TMEM178B: variants seen among roughly 807,000 people sequenced by gnomAD.
The protein encoded by TMEM178B is transmembrane protein 178B.
A neutral mutation model predicts 31.0 loss-of-function variants in TMEM178B; 5 were observed. That is an observed-to-expected ratio of 0.16 (90% CI 0.08 to 0.34). The LOEUF is 0.34. Among genes scored for constraint, TMEM178B ranks in the 10% least tolerant of loss-of-function variants. The probability of loss-of-function intolerance (pLI) is 1.00; values close to 1 mark genes in which losing one functional copy is unlikely to be tolerated. For synonymous variants in TMEM178B, 164 were observed against 164.0 expected (o/e 1.00, Z 0.00); for missense variants, 275 against 400.3 (o/e 0.69, Z 2.67).
chr7:141,256,592 G>T (rs943815355), intron 2 of TMEM178B, among the ~76,000 whole-genome samples: 1 of 152,164 alleles, frequency 6.6e-6, no homozygotes, highest in Admixed American at 6.5e-5. Flanking sequence ...TTCCAAGTGT[G>T]ATGGAAAGCT....
intron 2 of TMEM178B, among the ~76,000 whole-genome samples, chr7:141,303,142 C>T (rs180672832): frequency 1.5e-3 from 227 of 152,226 alleles, no homozygotes; most frequent in Middle Eastern, 3.4e-3. Flanking sequence ...TCCTGCCAGG[C>T]GTTCTTTGGA....
At chr7:141,498,703 A>G in the TMEM178B span, among the ~76,000 whole-genome samples, 1 of 152,260 alleles carries the variant, frequency 6.6e-6, no homozygotes, top group Non-Finnish European at 1.5e-5. Flanking sequence ...GAAGAAGAGT[A>G]GTAATCAGTC....
chr7:141,338,707 C>T (rs1253443471), intron 2 of TMEM178B, among the ~76,000 whole-genome samples: 1 of 152,202 alleles, frequency 6.6e-6, no homozygotes, highest in Non-Finnish European at 1.5e-5. Flanking sequence ...GTCCCCCTGG[C>T]CAGCCACTGG....
chr7:141,196,513 G>C (rs1796785605), intron 1 of TMEM178B, among the ~76,000 whole-genome samples: 1 of 152,140 alleles, frequency 6.6e-6, no homozygotes, highest in Non-Finnish European at 1.5e-5. Context: ...GTTGTGATTG[G>C]GAAGTGGAAT....
Position 141,171,691 on chromosome 7 carries a change from G to A in TMEM178B, c.383-40900G>A, listed in dbSNP as rs1796351674. Among the ~76,000 whole-genome samples the A allele has an allele frequency of 6.6e-6, 1 of 152,232 alleles. No individual in the cohort carries two copies. The highest frequency in any genetic ancestry group is 1.5e-5 in the Non-Finnish European group (1 of 68,040). ...GTGGTGTCACAGCAGAGAGCCAGCA[G>A]ACAAAGACAGTGTCTTAGACAGGGC... On this transcript the variant is annotated intron_variant, in intron 1 of 3. Coordinates refer to ENST00000565468, the MANE Select transcript of TMEM178B (RefSeq NM_001195278.2). The surrounding 1 kb of genome is among the most constrained non-coding windows in gnomAD (Gnocchi z 4.3).
At chr7:141,239,264 G>A (rs1365722866) in intron 2 of TMEM178B, among the ~76,000 whole-genome samples, 3 of 152,188 alleles carry the variant, frequency 2.0e-5, no homozygotes, top group African/African-American at 7.2e-5. Flanking sequence ...TTGAAATGGA[G>A]CTTTGTATGC....
At chr7:141,375,158 T>A (rs1048139433) in intron 2 of TMEM178B, among the ~76,000 whole-genome samples, 35 of 152,244 alleles carry the variant, frequency 2.3e-4, no homozygotes, top group African/African-American at 8.4e-4. Flanking sequence ...TTTCATTTGC[T>A]CCTTTAAAAC....
At chr7:141,393,432 A>T (rs1563169932) in intron 2 of TMEM178B, among the ~76,000 whole-genome samples, 1 of 152,154 alleles carries the variant, frequency 6.6e-6, no homozygotes, top group Non-Finnish European at 1.5e-5. Flanking sequence ...CAGTTGTTCA[A>T]ATTAGGGAGA....
rs536999273 is a variant in TMEM178B at position 141,422,958 on chromosome 7, C to G, written c.497-14650C>G. The stretch of plus-strand genomic sequence containing the variant: ...GAACAGTGCTGTCCCATGGAAATAT[C>G]GTGCAAACCGCATGTGTAACTTAAA... On this transcript the variant is annotated intron_variant, in intron 2 of 3. Coordinates refer to ENST00000565468, the MANE Select transcript of TMEM178B (RefSeq NM_001195278.2). This position sits in a 1 kb window ranked among gnomAD's most constrained non-coding sequence, Gnocchi z 4.2. Among the ~76,000 whole-genome samples the G allele has an allele frequency of 6.6e-6, 1 of 152,170 alleles. No individual in the cohort carries two copies. The highest frequency in any genetic ancestry group is 6.5e-5 in the Admixed American group (1 of 15,278).
At chr7:141,152,763 A>G (rs1795998184) in intron 1 of TMEM178B, among the ~76,000 whole-genome samples, 1 of 152,228 alleles carries the variant, frequency 6.6e-6, no homozygotes, top group East Asian at 1.9e-4. Context: ...GGTAGACTCT[A>G]TTAGACCCCC....
At chr7:141,268,490 G>A (rs1798129477) in intron 2 of TMEM178B, among the ~76,000 whole-genome samples, 1 of 152,194 alleles carries the variant, frequency 6.6e-6, no homozygotes, top group African/African-American at 2.4e-5. Flanking sequence ...TAATTGAAGA[G>A]TACCCGTGAT....
chr7:141,315,996 A>G (rs909507626), intron 2 of TMEM178B, among the ~76,000 whole-genome samples: 1 of 152,126 alleles, frequency 6.6e-6, no homozygotes, highest in African/African-American at 2.4e-5. Context: ...AGGCCTCCTA[A>G]TAGGATCCTT....
intron 1 of TMEM178B, among the ~76,000 whole-genome samples, chr7:141,157,447 A>G (rs1179831885): frequency 6.6e-6 from 1 of 152,070 alleles, no homozygotes; most frequent in African/African-American, 2.4e-5. Context: ...ACACACGCAC[A>G]CACACACGCA....
At chr7:141,451,551 T>A (rs1474278133) in intron 3 of TMEM178B, among the ~76,000 whole-genome samples, 2 of 152,148 alleles carry the variant, frequency 1.3e-5, no homozygotes. Flanking sequence ...AACCATTAAC[T>A]TACTGACACG....
Position 141,475,849 on chromosome 7 carries a change from G to A in TMEM178B, c.*5063G>A, listed in dbSNP as rs1802354850. 6.6e-6 allele frequency: 1 copy of A among 151,894 alleles called. No homozygotes were observed. The allele number at this position is 151,894 out of a possible 1,614,324, so 9.4% of individuals were successfully genotyped here. Reference sequence around the variant, plus strand: ...CATAGATGTAAGAATGCGGAAGCCAGAGTAACTCACTCATTAAGCTACACT... The same window carrying A: ...CATAGATGTAAGAATGCGGAAGCCAAAGTAACTCACTCATTAAGCTACACT... On this transcript the variant is annotated 3_prime_UTR_variant, in exon 4 of 4. Transcript: ENST00000565468.
At chr7:141,367,863 A>G (rs1472548184) in intron 2 of TMEM178B, among the ~76,000 whole-genome samples, 1 of 152,052 alleles carries the variant, frequency 6.6e-6, no homozygotes, top group Non-Finnish European at 1.5e-5. Context: ...CAAGCAGAGG[A>G]AAGCACGAAT....
intron 2 of TMEM178B, among the ~76,000 whole-genome samples, chr7:141,357,677 C>T (rs934212192): frequency 6.6e-6 from 1 of 152,184 alleles, no homozygotes; most frequent in Admixed American, 6.5e-5. Context: ...TTATATGCAT[C>T]ACTACTTCGA....
intron 2 of TMEM178B, among the ~76,000 whole-genome samples, chr7:141,349,309 T>C (rs1340563770): frequency 6.6e-6 from 1 of 152,190 alleles, no homozygotes; most frequent in Non-Finnish European, 1.5e-5. Flanking sequence ...ATATGCACAT[T>C]AGTCATGGGA....
At chr7:141,380,587 G>A (rs1212812486) in intron 2 of TMEM178B, among the ~76,000 whole-genome samples, 1 of 151,780 alleles carries the variant, frequency 6.6e-6, no homozygotes, top group Admixed American at 6.6e-5. Context: ...TTAAACTTGG[G>A]GAAAAAAGAA....
Sources: gnomAD v4.1 joint callset for allele counts (sites outside exome capture counted in the v4.1 genomes callset) on GRCh38, gnomAD v4.1.1 for gene constraint, Gnocchi (gnomAD v3.1) non-coding constraint, MANE v1.5 for transcripts, NCBI Gene and HGNC (gene_info 2026-07-23, HGNC 2026-07-21) for gene names.